The following TIMELESS variants were observed in gnomAD, a reference collection of about 807,000 sequenced individuals.
The protein encoded by TIMELESS is protein timeless homolog.
A neutral mutation model predicts 164.3 loss-of-function variants in TIMELESS; 124 were observed. The ratio of observed to expected loss-of-function variants is 0.75; its 90% confidence interval spans 0.65 to 0.88. The LOEUF is 0.88. Among genes scored for constraint, TIMELESS ranks in the 40% least tolerant of loss-of-function variants. The pLI is 0.00. For synonymous variants in TIMELESS, 564 were observed against 563.4 expected (o/e 1.00, Z -0.02); for missense variants, 1,422 against 1,491.4 (o/e 0.95, Z 0.77).
Position 56,421,085 on chromosome 12 carries a change from T to C in TIMELESS, c.2918A>G (p.Glu973Gly), listed in dbSNP as rs562490184. ...GTCTTCCTCAGGCAGGTTTTCCTCT[T>C]CTTCCAGATCTTCCTGGCAAAAATC... Reference protein sequence around the residue: ...LKDFCQEDLEEEENLPEEDSE... With the variant: ...LKDFCQEDLEGEENLPEEDSE... The change falls in exon 24 of 29, where the codon GAA (glutamate) becomes GGA (glycine). Residue 973 changes from glutamate (E) to glycine (G), a missense_variant. Glu to Gly is a moderately conservative substitution (Grantham distance 98, BLOSUM62 -2). Coordinates refer to ENST00000553532, the MANE Select transcript of TIMELESS (RefSeq NM_003920.5). 9.3e-6 allele frequency: 15 copies of C among 1,614,176 alleles called. No individual in the cohort carries two copies. The highest frequency in any genetic ancestry group is 1.6e-4 in the Middle Eastern group (1 of 6,062).
In TIMELESS at chr12:56,432,909, C is replaced by A. The variant is rs1045171899; in HGVS notation, c.531+117G>T. 3 of 719,078 alleles carry A rather than the reference C, an allele frequency of 4.2e-6. No individual in the cohort carries two copies. In the African/African-American group the frequency reaches 5.6e-5, roughly 13 times the overall value. The allele number at this position is 719,078 out of a possible 1,614,324, so 44.5% of individuals were successfully genotyped here. On this transcript the variant is annotated intron_variant, in intron 6 of 28. Coordinates refer to ENST00000553532, the MANE Select transcript of TIMELESS (RefSeq NM_003920.5). The stretch of plus-strand genomic sequence containing the variant: ...GACAGAGCTTGCAGTGAGCTGAGAT[C>A]GCACCACTGCACTCCAGCCTGGCGA...
chr12:56,437,163 AG>A (rs1415401018), intron 1 of TIMELESS, among the ~76,000 whole-genome samples: 2 of 152,092 alleles, frequency 1.3e-5, no homozygotes, highest in Admixed American at 1.3e-4. Flanking sequence ...TCCTGACCTC[AG>A]GTGATCCACA....
At chr12:56,422,048 A>G in intron 20 of TIMELESS, 32 bp from the exon 21 acceptor site, 1 of 1,613,918 alleles carries the variant, frequency 6.2e-7, no homozygotes, top group African/African-American at 1.3e-5. Flanking sequence ...GCAGTAAAGA[A>G]GGTCCCACAG....
At chr12:56,419,493 TG>T (rs1330578908) in intron 26 of TIMELESS, among the ~76,000 whole-genome samples, 1 of 151,586 alleles carries the variant, frequency 6.6e-6, no homozygotes, top group African/African-American at 2.4e-5. Context: ...TGTGTCACCC[TG>T]TGTGCACGGT....
At chr12:56,425,222 AT>A in intron 13 of TIMELESS, 70 bp from the exon 14 acceptor site, 1 of 1,494,234 alleles carries the variant, frequency 6.7e-7, no homozygotes, top group Non-Finnish European at 8.9e-7. Flanking sequence ...TGTCTTTTCT[AT>A]TACAAAACTA....
chr12:56,426,554 T>C (rs1363036557), intron 13 of TIMELESS, among the ~76,000 whole-genome samples: 2 of 151,066 alleles, frequency 1.3e-5, no homozygotes, highest in Non-Finnish European at 2.9e-5. Context: ...GCCAGGCTAA[T>C]TTTTGTTTGT....
intron 13 of TIMELESS, among the ~76,000 whole-genome samples, chr12:56,425,776 G>A (rs994955407): frequency 6.6e-6 from 1 of 152,126 alleles, no homozygotes; most frequent in African/African-American, 2.4e-5. Context: ...TTGGGAGGCC[G>A]AGGCAGAAGA....
rs1166079913 is a variant in TIMELESS at position 56,433,058 on chromosome 12, G to C, written c.499C>G (p.Leu167Val). The C allele has an allele frequency of 1.2e-6, 2 of 1,613,584 alleles. No homozygotes were observed. The highest frequency in any genetic ancestry group is 1.7e-6 in the Non-Finnish European group (2 of 1,179,948). Residue 167 changes from leucine to valine, a missense_variant, in exon 6 of 29, where the codon CTC becomes GTC. By Grantham distance (32) the Leu-to-Val change is conservative. Transcript: ENST00000553532. ...ERILLLVRNILHVPADLDQEK... is the reference protein window; with the variant it reads ...ERILLLVRNIVHVPADLDQEK... ...TGATCAAGGTCAGCTGGGACATGGA[G>C]AATATTTCTGACCAGCAGTAGGATC... is the stretch of plus-strand genomic sequence containing the variant.
chr12:56,433,000 G>GAAC (rs752773768), intron 6 of TIMELESS, 26 bp downstream of exon 6: 29 of 1,113,164 alleles, frequency 2.6e-5, no homozygotes, highest in Non-Finnish European at 3.7e-5. Flanking sequence ...CCATGCACAA[G>GAAC]AACACAGAAC....
chr12:56,433,590 C>CT lies in TIMELESS; in HGVS notation c.313dup (p.Ser105LysfsTer23), dbSNP rs1236124016. The CT allele has an allele frequency of 1.2e-6, 2 of 1,614,218 alleles. No individual in the cohort carries two copies. Among genetic ancestry groups the CT allele is most frequent in the South Asian group, 2.2e-5 (2 of 91,084 alleles). ...CACCTGCAAAAAATGGTGCCGAAAG[C>CT]TGGGCTCCTTAGGCAGATTGCCAAA... On this transcript the variant is annotated frameshift_variant, in exon 4 of 29. Coordinates refer to ENST00000553532, the MANE Select transcript of TIMELESS (RefSeq NM_003920.5). LOFTEE classifies it high-confidence loss of function.
intron 1 of TIMELESS, among the ~76,000 whole-genome samples, chr12:56,446,810 CAA>C (rs57794084): frequency 1.9e-4 from 24 of 126,910 alleles, no homozygotes; most frequent in Non-Finnish European, 1.7e-4. Flanking sequence ...AACTCCATCT[CAA>C]AAAAAAAAAA....
intron 1 of TIMELESS, among the ~76,000 whole-genome samples, chr12:56,435,887 AG>A (rs1882054481): frequency 6.8e-6 from 1 of 147,630 alleles, no homozygotes; most frequent in Non-Finnish European, 1.5e-5. Flanking sequence ...TGAACCCGAG[AG>A]GTGGAGCTTG....
Position 56,416,466 on chromosome 12 carries a change from C to G in TIMELESS, c.*1250G>C, listed in dbSNP as rs1881262127. The G allele has an allele frequency of 6.6e-6, 1 of 152,230 alleles. No homozygotes were observed. Among genetic ancestry groups the G allele is most frequent in the Non-Finnish European group, 1.5e-5 (1 of 68,052 alleles). The allele number at this position is 152,230 out of a possible 1,614,324, so 9.4% of individuals were successfully genotyped here. On this transcript the variant is annotated 3_prime_UTR_variant, in exon 29 of 29. Transcript: ENST00000553532. Reference sequence around the variant, plus strand: ...CTACCTCGGCTGGAAGCACAGGAAGCAAGAAAGCTGACGTTTCCAAGAATG... The same window carrying G: ...CTACCTCGGCTGGAAGCACAGGAAGGAAGAAAGCTGACGTTTCCAAGAATG...
intron 13 of TIMELESS, among the ~76,000 whole-genome samples, chr12:56,425,687 C>T (rs540482133): frequency 1.2e-3 from 178 of 152,096 alleles, no homozygotes; most frequent in Non-Finnish European, 2.1e-3. Context: ...CCAGCCTGGG[C>T]AACACAGCGA....
rs145768449 is a variant in TIMELESS at position 56,438,931 on chromosome 12, A to T, written c.-61-4700T>A. On this transcript the variant is annotated intron_variant, in intron 1 of 28. Transcript: ENST00000553532. ...GTAATCCCAGCACTTTTGGAGGCCAAGGTGGGCAGATCACCCTGAGGTCAG... is the reference window on the plus strand; with the variant it reads ...GTAATCCCAGCACTTTTGGAGGCCATGGTGGGCAGATCACCCTGAGGTCAG... 3.8e-3 allele frequency among the ~76,000 whole-genome samples: 575 copies of T among 152,054 alleles called. 4 individuals are homozygous for T. Among genetic ancestry groups the T allele is most frequent in the African/African-American group, 0.013 (542 of 41,512 alleles).
intron 13 of TIMELESS, among the ~76,000 whole-genome samples, chr12:56,426,498 T>C (rs1030445100): frequency 2.2e-4 from 33 of 149,784 alleles, no homozygotes; most frequent in Non-Finnish European, 1.2e-4. Context: ...GCGATTCTCC[T>C]GCCTCAGCCT....
chr12:56,444,649 C>T (rs1426959200), intron 1 of TIMELESS, among the ~76,000 whole-genome samples: 2 of 151,660 alleles, frequency 1.3e-5, no homozygotes, highest in Non-Finnish European at 2.9e-5. Context: ...CAGGCTCAAG[C>T]TATCCTCCGA....
At position 56,431,603 on chromosome 12, in the gene TIMELESS, T is replaced by A; in HGVS notation, c.689A>T (p.Asn230Ile). ...EIVSLMFRDQ[N>I]PEQLAGVGQG... ...CCCTACTCCCGCCAGCTGCTCGGGG[T>A]TCTAGATTGGAACAAAGAGGGAAGA... Residue 230 changes from asparagine to isoleucine, a missense_variant and splice_region_variant, in exon 8 of 29, where the codon AAC becomes ATC. By Grantham distance (149) the Asn-to-Ile change is moderately radical. Transcript: ENST00000553532. 6.2e-7 allele frequency: 1 copy of A among 1,609,814 alleles called. No homozygotes were observed. Among genetic ancestry groups the A allele is most frequent in the South Asian group, 1.1e-5 (1 of 90,758 alleles).
rs201615298 is a variant in TIMELESS at position 56,423,649 on chromosome 12, TTCC to T, written c.2022_2024del (p.Glu678del). On this transcript the variant is annotated inframe_deletion, in exon 17 of 29. Transcript: ENST00000553532. ...CCTGGACCACTTGCAACTCCTCCTC[TTCC>T]TCCTCCTCCTCCTCTTCTTCTTCCT... 4.8e-5 allele frequency: 77 copies of T among 1,613,474 alleles called. No homozygotes were observed. Among genetic ancestry groups the T allele is most frequent in the African/African-American group, 4.1e-4 (31 of 74,826 alleles).
Sources: gnomAD v4.1 joint callset for allele counts (sites outside exome capture counted in the v4.1 genomes callset) on GRCh38, gnomAD v4.1.1 for gene constraint, MANE v1.5 for transcripts, NCBI Gene and HGNC (gene_info 2026-07-23, HGNC 2026-07-21) for gene names.